The following COL4A2 variants were observed in gnomAD, a reference collection of about 807,000 sequenced individuals.
COL4A2 encodes the protein collagen type IV alpha 2 chain, also known as collagen alpha-2(IV) chain.
In COL4A2, 99 loss-of-function variants were observed where a neutral mutation model predicts 200.2. That is an observed-to-expected ratio of 0.49 (90% CI 0.42 to 0.58). The LOEUF is 0.58. Among genes scored for constraint, COL4A2 ranks in the 20% least tolerant of loss-of-function variants. The pLI, the probability that COL4A2 is intolerant of heterozygous loss-of-function variation, is 0.00. For missense variants in COL4A2, 1,950 were observed against 2,314.1 expected (o/e 0.84, Z 3.23); for synonymous variants, 897 against 900.6 (o/e 1.00, Z 0.07).
intron 16 of COL4A2, among the ~76,000 whole-genome samples, 166 bp from the exon 17 acceptor site, chr13:110,445,660 TAAA>T (rs1180622836): frequency 9.2e-5 from 14 of 152,348 alleles, no homozygotes; most frequent in Middle Eastern, 3.4e-3. Flanking sequence ...AAAGCAACCT[TAAA>T]AAGACATTTT....
At position 110,510,554 on chromosome 13, in the gene COL4A2, G is replaced by A. The variant is rs111235235; in HGVS notation, c.4882-1380G>A. Among the ~76,000 whole-genome samples the A allele has an allele frequency of 4.2e-3, 638 of 152,356 alleles. 8 individuals are homozygous for A. Among genetic ancestry groups the A allele is most frequent in the African/African-American group, 0.014 (590 of 41,580 alleles). ...GAGAGAAGCACATTGGAAAGGGTGC[G>A]TGTGCCTGGACTGTGTGCACTTATG... is the stretch of plus-strand genomic sequence containing the variant. On this transcript the variant is annotated intron_variant, in intron 47 of 47. Coordinates refer to ENST00000360467, the MANE Select transcript of COL4A2 (RefSeq NM_001846.4).
rs1327728375 is a variant in COL4A2 at position 110,491,249 on chromosome 13, T to C, written c.3363T>C (p.Phe1121=). ...TTGIPGLKGF[F]GEKGTEGDIG... is the part of the protein sequence containing the mutation. Reference sequence around the variant, plus strand: ...TGGTTGCAGGTCTGAAGGGATTCTTTGGAGAGAAGGGAACAGAAGGTGACA... The same window carrying C: ...TGGTTGCAGGTCTGAAGGGATTCTTCGGAGAGAAGGGAACAGAAGGTGACA... Residue 1121 remains phenylalanine, a synonymous_variant, in exon 37 of 48, where the codon TTT becomes TTC. Transcript: ENST00000360467. The C allele has an allele frequency of 3.8e-6, 6 of 1,598,944 alleles. No homozygotes were observed. The highest frequency in any genetic ancestry group is 5.1e-6 in the Non-Finnish European group (6 of 1,171,858).
chr13:110,426,491 C>G (rs1412312383), intron 6 of COL4A2, among the ~76,000 whole-genome samples: 1 of 152,114 alleles, frequency 6.6e-6, no homozygotes, highest in Non-Finnish European at 1.5e-5. Context: ...ATATCACCTG[C>G]CATAAGTAAT....
intron 14 of COL4A2, 81 bp downstream of exon 14, chr13:110,438,118 T>C (rs1053994852): frequency 5.9e-6 from 7 of 1,189,660 alleles, no homozygotes; most frequent in Non-Finnish European, 8.7e-6. Flanking sequence ...GGGTGCACCA[T>C]GCGCTCGGGG....
Position 110,358,170 on chromosome 13 carries a change from C to T in COL4A2, c.180+618C>T, listed in dbSNP as rs540452930. 1.7e-3 allele frequency among the ~76,000 whole-genome samples: 263 copies of T among 152,156 alleles called. 1 individual carries two copies. The highest frequency in any genetic ancestry group is 5.9e-3 in the African/African-American group (244 of 41,518). ...TGTACAAACATATTTTCTTTTTCTA[C>T]GTTTTTATTCGATGTTTTTTTCTAT... On this transcript the variant is annotated intron_variant, in intron 4 of 47. Transcript: ENST00000360467.
At chr13:110,498,779 C>G (rs1439123064) in intron 40 of COL4A2, among the ~76,000 whole-genome samples, 1 of 152,170 alleles carries the variant, frequency 6.6e-6, no homozygotes, top group African/African-American at 2.4e-5. Flanking sequence ...CATTGATGGC[C>G]TTATTACACA....
chr13:110,316,035 G>A (rs1885120985), intron 3 of COL4A2, among the ~76,000 whole-genome samples: 1 of 152,114 alleles, frequency 6.6e-6, no homozygotes, highest in Non-Finnish European at 1.5e-5. Flanking sequence ...GATGATAAAG[G>A]AATCATGGAT....
intron 3 of COL4A2, among the ~76,000 whole-genome samples, chr13:110,355,156 A>G (rs1286300833): frequency 6.6e-6 from 1 of 152,274 alleles, no homozygotes; most frequent in Non-Finnish European, 1.5e-5. Context: ...AGTGAACACC[A>G]GAAGCCAGCC....
At chr13:110,424,643 A>AAAAAC (rs1555328103) in intron 4 of COL4A2, 91 bp from the exon 5 acceptor site, 1 of 885,072 alleles carries the variant, frequency 1.1e-6, no homozygotes, top group Non-Finnish European at 1.7e-6. Context: ...TTAAAAACAA[A>AAAAAC]AAAAAAAATG....
At chr13:110,362,772 A>G (rs1474747998) in intron 4 of COL4A2, among the ~76,000 whole-genome samples, 4 of 152,268 alleles carry the variant, frequency 2.6e-5, no homozygotes, top group Admixed American at 2.0e-4. Flanking sequence ...TATAGAAAGC[A>G]GTAGAGGGGC....
chr13:110,495,949 A>T (rs956990869), intron 40 of COL4A2, among the ~76,000 whole-genome samples: 1 of 152,166 alleles, frequency 6.6e-6, no homozygotes, highest in South Asian at 2.1e-4. Flanking sequence ...ACATTCCTAG[A>T]TAGAAACCAG....
At chr13:110,351,050 T>C (rs957676709) in intron 3 of COL4A2, among the ~76,000 whole-genome samples, 1 of 152,140 alleles carries the variant, frequency 6.6e-6, no homozygotes, top group African/African-American at 2.4e-5. Context: ...CTTTCTTTAT[T>C]TTTATTTTTT....
chr13:110,504,404 T>C, intron 45 of COL4A2, 140 bp downstream of exon 45: 1 of 668,792 alleles, frequency 1.5e-6, no homozygotes, highest in Non-Finnish European at 2.6e-6. Context: ...GCTCCTAATC[T>C]GGGCGTAGCA....
chr13:110,315,688 G>T (rs1035173819), intron 3 of COL4A2, among the ~76,000 whole-genome samples: 18 of 152,274 alleles, frequency 1.2e-4, no homozygotes, highest in African/African-American at 3.9e-4. Context: ...GAGCCACCAC[G>T]CCCTGCCATC....
intron 4 of COL4A2, among the ~76,000 whole-genome samples, chr13:110,390,020 C>T (rs1878927666): frequency 6.6e-6 from 1 of 152,084 alleles, no homozygotes; most frequent in Admixed American, 6.5e-5. Context: ...TTATTAAATG[C>T]CTATTTTATT....
chr13:110,367,737 C>T (rs1877816737), intron 4 of COL4A2, among the ~76,000 whole-genome samples: 1 of 152,202 alleles, frequency 6.6e-6, no homozygotes, highest in Non-Finnish European at 1.5e-5. Context: ...TAACAGAATC[C>T]TATGAGCCTG....
At chr13:110,484,174 A>C (rs1309386905) in intron 32 of COL4A2, among the ~76,000 whole-genome samples, 13 of 152,052 alleles carry the variant, frequency 8.5e-5, no homozygotes, top group Non-Finnish European at 1.9e-4. Flanking sequence ...CTTAGGGTGA[A>C]GTTAACCATG....
chr13:110,355,574 C>T (rs1484081327), intron 3 of COL4A2, among the ~76,000 whole-genome samples: 2 of 35,452 alleles, frequency 5.6e-5, no homozygotes, highest in Non-Finnish European at 8.9e-5. Context: ...ACTAGCTCAC[C>T]TGTGTGGGGG....
At position 110,508,300 on chromosome 13, in the gene COL4A2, G is replaced by A; in HGVS notation, c.4881+79G>A. 2 of 1,573,914 alleles carry A rather than the reference G, an allele frequency of 1.3e-6. No individual in the cohort carries two copies. Among genetic ancestry groups the A allele is most frequent in the South Asian group, 2.4e-5 (2 of 83,704 alleles). On this transcript the variant is annotated intron_variant, in intron 47 of 47. Coordinates refer to ENST00000360467, the MANE Select transcript of COL4A2 (RefSeq NM_001846.4). The surrounding 1 kb of genome is among the most constrained non-coding windows in gnomAD (Gnocchi z 6.1). ...GCAAGAACAGCTGCCTTTGTGAGAA[G>A]AATCAGACACGGCAGTCCAGGGTGT...
Sources: gnomAD v4.1 joint callset for allele counts (sites outside exome capture counted in the v4.1 genomes callset) on GRCh38, gnomAD v4.1.1 for gene constraint, Gnocchi (gnomAD v3.1) non-coding constraint, MANE v1.5 for transcripts, NCBI Gene and HGNC (gene_info 2026-07-23, HGNC 2026-07-21) for gene names.